FBXL17: variants seen among roughly 807,000 people sequenced by gnomAD.
FBXL17 encodes F-box and leucine rich repeat protein 17.
Under a neutral mutation model 66.2 loss-of-function variants are expected in FBXL17, and 22 were observed. The ratio of observed to expected loss-of-function variants is 0.33; its 90% CI spans 0.24 to 0.47. The LOEUF is 0.47. FBXL17 is among the 20% of genes least tolerant of loss of function. The pLI is 1.00. For synonymous variants in FBXL17, 474 were observed against 400.5 expected (o/e 1.18, Z -2.19); for missense variants, 878 against 948.2 (o/e 0.93, Z 0.97).
intron 6 of FBXL17, among the ~76,000 whole-genome samples, chr5:108,064,594 G>A (rs17382278): frequency 0.12 from 18,092 of 152,204 alleles, 1,355 homozygotes; most frequent in East Asian, 0.17. Context: ...TAGAGAAATT[G>A]AGAAGCCTCT....
At chr5:108,281,371 TA>T (rs1458282676) in intron 4 of FBXL17, among the ~76,000 whole-genome samples, 1 of 151,638 alleles carries the variant, frequency 6.6e-6, no homozygotes, top group Non-Finnish European at 1.5e-5. Context: ...GTCAAATCAA[TA>T]CCAAGAGGGA....
chr5:108,075,009 G>A (rs1021101331), intron 6 of FBXL17, among the ~76,000 whole-genome samples: 2 of 152,206 alleles, frequency 1.3e-5, no homozygotes. Context: ...CAGTCCCATG[G>A]TGGTTCCCTT....
chr5:108,325,035 G>A (rs1473761803), intron 4 of FBXL17, among the ~76,000 whole-genome samples: 1 of 152,082 alleles, frequency 6.6e-6, no homozygotes, highest in South Asian at 2.1e-4. Flanking sequence ...GTGGTTTTCA[G>A]GAGCTGGAGG....
intron 6 of FBXL17, among the ~76,000 whole-genome samples, chr5:108,097,694 C>G (rs899221838): frequency 1.7e-4 from 26 of 150,962 alleles, no homozygotes; most frequent in African/African-American, 6.3e-4. Flanking sequence ...GAGCCTGGGG[C>G]AGGAGAATCA....
intron 6 of FBXL17, among the ~76,000 whole-genome samples, chr5:108,120,759 G>C (rs948633444): frequency 1.3e-5 from 2 of 152,130 alleles, no homozygotes; most frequent in Admixed American, 1.3e-4. Context: ...TTTGAGCCCA[G>C]GAGTTCGAGG....
At chr5:107,954,438 CCA>C (rs1431639041) in intron 7 of FBXL17, among the ~76,000 whole-genome samples, 1 of 152,192 alleles carries the variant, frequency 6.6e-6, no homozygotes, top group Non-Finnish European at 1.5e-5. Context: ...ATGCAGTGAA[CCA>C]CAGTCAGTGG....
At chr5:107,959,038 C>T (rs1751786113) in intron 7 of FBXL17, among the ~76,000 whole-genome samples, 1 of 152,146 alleles carries the variant, frequency 6.6e-6, no homozygotes, top group Non-Finnish European at 1.5e-5. Flanking sequence ...ATCATGTGGT[C>T]TCCATGGTAA....
chr5:108,151,801 A>G (rs994265196), intron 6 of FBXL17, among the ~76,000 whole-genome samples: 3 of 152,214 alleles, frequency 2.0e-5, no homozygotes, highest in Non-Finnish European at 1.5e-5. Context: ...TGATCTAGGG[A>G]TGATCGACAC....
At chr5:108,278,668 C>A (rs1757579309) in intron 4 of FBXL17, among the ~76,000 whole-genome samples, 1 of 152,174 alleles carries the variant, frequency 6.6e-6, no homozygotes, top group Admixed American at 6.5e-5. Flanking sequence ...TGGAATGAGC[C>A]CCACCAGAAC....
intron 4 of FBXL17, among the ~76,000 whole-genome samples, chr5:108,328,198 A>G (rs566664206): frequency 2.6e-5 from 4 of 152,262 alleles, no homozygotes; most frequent in Non-Finnish European, 5.9e-5. Flanking sequence ...CACTAATGAT[A>G]TGACCAAGTA....
intron 6 of FBXL17, among the ~76,000 whole-genome samples, chr5:108,169,383 A>T (rs1252594533): frequency 6.6e-6 from 1 of 152,246 alleles, no homozygotes; most frequent in East Asian, 1.9e-4. Context: ...AAATGTCTAT[A>T]CATCTGTAGA....
chr5:107,897,889 T>C (rs563876359), intron 7 of FBXL17, among the ~76,000 whole-genome samples: 3 of 148,684 alleles, frequency 2.0e-5, no homozygotes, highest in East Asian at 3.9e-4. Context: ...AAATCAGGAA[T>C]GAGATTGTGG....
chr5:107,891,636 A>G (rs550561039), intron 7 of FBXL17, among the ~76,000 whole-genome samples: 1 of 152,304 alleles, frequency 6.6e-6, no homozygotes, highest in Non-Finnish European at 1.5e-5. Flanking sequence ...AAGAGGACTC[A>G]AGGATGTAAA....
chr5:108,352,892 A>T (rs1747741963), intron 3 of FBXL17, among the ~76,000 whole-genome samples: 1 of 152,178 alleles, frequency 6.6e-6, no homozygotes, highest in Non-Finnish European at 1.5e-5. Flanking sequence ...CAAAAGGGAG[A>T]AATCCTGTGA....
intron 6 of FBXL17, among the ~76,000 whole-genome samples, chr5:108,164,553 A>C (rs565387864): frequency 6.6e-6 from 1 of 152,208 alleles, no homozygotes; most frequent in South Asian, 2.1e-4. Context: ...TTCAAATTCC[A>C]CATTCCAACA....
intron 7 of FBXL17, among the ~76,000 whole-genome samples, chr5:107,980,665 T>TATATATGTATATATATATATA (rs1363335386): frequency 2.5e-5 from 2 of 79,174 alleles, no homozygotes; most frequent in African/African-American, 1.8e-4. Flanking sequence ...TATATATATA[T>TATATATGTATATATATATATA]TTTTTTTTTG....
chr5:108,257,525 T>C (rs760002613), intron 4 of FBXL17, among the ~76,000 whole-genome samples: 1 of 152,086 alleles, frequency 6.6e-6, no homozygotes, highest in African/African-American at 2.4e-5. Flanking sequence ...AGGAAGATAA[T>C]AATTATCATT....
intron 4 of FBXL17, among the ~76,000 whole-genome samples, chr5:108,296,458 C>T (rs1758354270): frequency 6.6e-6 from 1 of 151,768 alleles, no homozygotes; most frequent in African/African-American, 2.4e-5. Flanking sequence ...ACATCTAATA[C>T]TAAGTACTGA....
At chr5:108,215,078 T>A (rs984796388) in intron 5 of FBXL17, among the ~76,000 whole-genome samples, 5 of 152,224 alleles carry the variant, frequency 3.3e-5, no homozygotes, top group African/African-American at 9.6e-5. Flanking sequence ...TTCCTCTGTA[T>A]GAATATACCA....
Sources: allele counts gnomAD v4.1 joint callset (sites outside exome capture counted in the v4.1 genomes callset), GRCh38; gene constraint gnomAD v4.1.1; transcripts MANE v1.5; gene names NCBI Gene and HGNC (gene_info 2026-07-23, HGNC 2026-07-21).